The following REST variants were observed in gnomAD, a reference collection of about 807,000 sequenced individuals.
REST encodes RE1-silencing transcription factor.
In REST, 1 loss-of-function variant was observed where a neutral mutation model predicts 30.4. That is an observed-to-expected ratio of 0.03 (90% confidence interval 0.01 to 0.16). The LOEUF is 0.16. Among genes scored for constraint, REST ranks in the 10% least tolerant of loss-of-function variants. REST has a pLI of 1.00. For missense variants in REST, 1,259 were observed against 1,329.5 expected, an observed-to-expected ratio of 0.95 and a Z score of 0.82; for synonymous variants, 504 against 451.1, an observed-to-expected ratio of 1.12 and a Z score of -1.49.
chr4:56,908,045 G>T lies in REST; in HGVS notation c.-178G>T. 2 of 366,290 alleles carry T rather than the reference G, an allele frequency of 5.5e-6. No individual in the cohort carries two copies. Among genetic ancestry groups the T allele is most frequent in the South Asian group, 2.7e-4 (2 of 7,484 alleles). The allele number at this position is 366,290 out of a possible 1,614,324, so 22.7% of individuals were successfully genotyped here. A position where few individuals can be genotyped will look rare whatever the true frequency, so the allele number is the denominator to read the frequency against. On this transcript the variant is annotated 5_prime_UTR_variant, in exon 1 of 4. The change abolishes the stop of an existing upstream ORF in the 5' untranslated region. Coordinates refer to ENST00000309042, the MANE Select transcript of REST (RefSeq NM_005612.5). ...ACGGCAGGGCGAGGCCCGGAGGCCT[G>T]AGCACCCTCTGCAGCCCCACTCCTG...
At chr4:56,921,384 C>G (rs1057029269) in intron 3 of REST, among the ~76,000 whole-genome samples, 12 of 151,998 alleles carry the variant, frequency 7.9e-5, no homozygotes, top group African/African-American at 2.9e-4. Context: ...TATGTACTTA[C>G]CAGATTTTTT....
At position 56,908,020 on chromosome 4, in the gene REST, A is replaced by C; in HGVS notation, c.-203A>C. 2.8e-6 allele frequency: 1 copy of C among 359,322 alleles called. No individual in the cohort carries two copies. Among genetic ancestry groups the C allele is most frequent in the Non-Finnish European group, 5.0e-6 (1 of 200,998 alleles). 22.3% of individuals were successfully genotyped at this position (359,322 alleles called of 1,614,324 possible). On this transcript the variant is annotated 5_prime_UTR_variant, in exon 1 of 4. Transcript: ENST00000309042. Reference sequence around the variant, plus strand: ...CCTGGCGGCGGCTGCCGCAGCCGAGACGGCAGGGCGAGGCCCGGAGGCCTG... The same window carrying C: ...CCTGGCGGCGGCTGCCGCAGCCGAGCCGGCAGGGCGAGGCCCGGAGGCCTG...
chr4:56,930,958 A>G lies in REST; in HGVS notation c.2100A>G (p.Gln700=), dbSNP rs374016428. 1 of 1,610,882 alleles carries G rather than the reference A, an allele frequency of 6.2e-7. No individual in the cohort carries two copies. Among genetic ancestry groups the G allele is most frequent in the Admixed American group, 1.7e-5 (1 of 59,798 alleles). Residue 700 remains glutamine, a synonymous_variant, in exon 4 of 4, where the codon CAA becomes CAG. Coordinates refer to ENST00000309042, the MANE Select transcript of REST (RefSeq NM_005612.5). ...PMETAQTEVA[Q]MGPAPMEPAQ... is the part of the protein sequence containing the mutation. ...AGACTGCTCAGACGGAGGTTGCCCA[A>G]ATGGGGCCTGCTCCCATGGAACCTG...
Position 56,933,176 on chromosome 4 carries a change from A to C in REST, c.*1024A>C, listed in dbSNP as rs1305602332. On this transcript the variant is annotated 3_prime_UTR_variant, in exon 4 of 4. Coordinates refer to ENST00000309042, the MANE Select transcript of REST (RefSeq NM_005612.5). ...AAACCACTAGGTTGCATGTCGAACA[A>C]ATTTTTATCTCAAATACCAACCATC... The C allele has an allele frequency of 6.6e-6, 1 of 152,216 alleles. No homozygotes were observed. Among genetic ancestry groups the C allele is most frequent in the Non-Finnish European group, 1.5e-5 (1 of 68,036 alleles). The allele number at this position is 152,216 out of a possible 1,614,324, so 9.4% of individuals were successfully genotyped here.
At position 56,931,963 on chromosome 4, in the gene REST, T is replaced by A; in HGVS notation, c.3105T>A (p.Ala1035=). Residue 1035 remains alanine (A), a synonymous_variant, in exon 4 of 4, where the codon GCT becomes GCA. Transcript: ENST00000309042. ...EGSDDSGLHG[A]RPVPQESSRK... ...GTGATGATTCTGGATTGCATGGGGCTCGGCCAGTTCCACAAGAATCTAGCA... is the reference window on the plus strand; with the variant it reads ...GTGATGATTCTGGATTGCATGGGGCACGGCCAGTTCCACAAGAATCTAGCA... 1 of 1,614,224 alleles carries A rather than the reference T, an allele frequency of 6.2e-7. No individual in the cohort carries two copies. Among genetic ancestry groups the A allele is most frequent in the Admixed American group, 1.7e-5 (1 of 60,024 alleles).
chr4:56,919,963 ATTTAT>A (rs989916836), intron 3 of REST, 93 bp downstream of exon 3: 2 of 519,824 alleles, frequency 3.8e-6, no homozygotes, highest in African/African-American at 3.9e-5. Context: ...TTTACTTATT[ATTTAT>A]TTTTAATATA....
At position 56,913,067 on chromosome 4, in the gene REST, G is replaced by A. The variant is rs1010347248; in HGVS notation, c.898+1531G>A. Among the ~76,000 whole-genome samples, 3 of 152,074 alleles carry A rather than the reference G, an allele frequency of 2.0e-5. No homozygotes were observed. In the South Asian group the frequency reaches 6.2e-4, roughly 31 times the overall value. On this transcript the variant is annotated intron_variant, in intron 2 of 3. Transcript: ENST00000309042. ...CCTGCCACAGTCTTCCCAAGTGTTGGGATTATAGGCGTGAGCCACTGTGCA... is the reference window on the plus strand; with the variant it reads ...CCTGCCACAGTCTTCCCAAGTGTTGAGATTATAGGCGTGAGCCACTGTGCA...
chr4:56,911,148 T>G lies in REST; in HGVS notation c.510T>G (p.Ser170=). 6.2e-7 allele frequency: 1 copy of G among 1,614,202 alleles called. No individual in the cohort carries two copies. The highest frequency in any genetic ancestry group is 2.2e-5 in the East Asian group (1 of 44,892). Reference sequence around the variant, plus strand: ...AGCCATGCCAATATGAAGCAGAATCTGAAGAACAGTTTGTGCATCACATCA... The same window carrying G: ...AGCCATGCCAATATGAAGCAGAATCGGAAGAACAGTTTGTGCATCACATCA... The part of the protein sequence containing the change: ...RCKPCQYEAE[S]EEQFVHHIRV... The change falls in exon 2 of 4, where the codon TCT becomes TCG. Residue 170 remains serine (S), a synonymous_variant. Transcript: ENST00000309042.
At chr4:56,910,418 G>T (rs947582197) in intron 1 of REST, among the ~76,000 whole-genome samples, 1 of 152,210 alleles carries the variant, frequency 6.6e-6, no homozygotes, top group African/African-American at 2.4e-5. Flanking sequence ...GTTTTATAGG[G>T]ATAGTAGAAA....
rs768958797 is a variant in REST at position 56,931,411 on chromosome 4, A to G, written c.2553A>G (p.Leu851=). 2 of 1,614,142 alleles carry G rather than the reference A, an allele frequency of 1.2e-6. No homozygotes were observed. Among genetic ancestry groups the G allele is most frequent in the African/African-American group, 1.3e-5 (1 of 74,954 alleles). The change falls in exon 4 of 4, where the codon CTA becomes CTG. Residue 851 remains leucine (L), a synonymous_variant. Coordinates refer to ENST00000309042, the MANE Select transcript of REST (RefSeq NM_005612.5). ...TGCCTGTTAAAGATAGCTGGCTTCTAAAGGAAAGTGTAAGCACAGAGGATC... is the reference window on the plus strand; with the variant it reads ...TGCCTGTTAAAGATAGCTGGCTTCTGAAGGAAAGTGTAAGCACAGAGGATC... ...GLVPVKDSWL[L]KESVSTEDLS...
chr4:56,920,970 A>C (rs1028471483), intron 3 of REST, among the ~76,000 whole-genome samples: 7 of 152,122 alleles, frequency 4.6e-5, no homozygotes, highest in African/African-American at 1.7e-4. Flanking sequence ...GGTTCAAGCG[A>C]TTCTCCTGCC....
intron 3 of REST, among the ~76,000 whole-genome samples, chr4:56,926,233 G>T (rs1720706252): frequency 6.8e-6 from 1 of 146,270 alleles, no homozygotes; most frequent in South Asian, 2.2e-4. Flanking sequence ...CTAAGTTTTT[G>T]TATCTTTAGT....
In REST at chr4:56,934,559, T is replaced by G. The variant is rs1721084755; in HGVS notation, c.*2407T>G. On this transcript the variant is annotated 3_prime_UTR_variant, in exon 4 of 4. Coordinates refer to ENST00000309042, the MANE Select transcript of REST (RefSeq NM_005612.5). ...TGATTGTCAGGCCTATATTAGGTTC[T>G]GAACCTTAATGCCATGTATTTGTAC... 1.3e-5 allele frequency: 2 copies of G among 152,236 alleles called. No homozygotes were observed. Among genetic ancestry groups the G allele is most frequent in the African/African-American group, 4.8e-5 (2 of 41,476 alleles). The allele number at this position is 152,236 out of a possible 1,614,324, so 9.4% of individuals were successfully genotyped here.
intron 3 of REST, among the ~76,000 whole-genome samples, chr4:56,925,906 T>G (rs1720685325): frequency 6.6e-6 from 1 of 152,192 alleles, no homozygotes; most frequent in Non-Finnish European, 1.5e-5. Context: ...GATGCATGCT[T>G]GCTCTATAGA....
chr4:56,919,941 G>A (rs1383375082), intron 3 of REST, 71 bp downstream of exon 3: 2 of 683,980 alleles, frequency 2.9e-6, no homozygotes, highest in Admixed American at 2.5e-5. Context: ...TTTTAGACTT[G>A]TAACCGAGTC....
At chr4:56,908,495 G>A (rs1719726283) in intron 1 of REST, among the ~76,000 whole-genome samples, 1 of 151,920 alleles carries the variant, frequency 6.6e-6, no homozygotes, top group African/African-American at 2.4e-5. Context: ...CCGCCTCCGC[G>A]CTGGCCCGGA....
At chr4:56,926,100 T>C (rs2412769) in intron 3 of REST, among the ~76,000 whole-genome samples, 41,264 of 151,906 alleles carry the variant, frequency 0.27, 6,648 homozygotes, top group Middle Eastern at 0.4. Context: ...CACCCTGTCG[T>C]CCAGGCTGGA....
intron 3 of REST, among the ~76,000 whole-genome samples, chr4:56,920,335 A>G (rs1282692543): frequency 2.0e-5 from 3 of 150,956 alleles, no homozygotes; most frequent in African/African-American, 4.9e-5. Flanking sequence ...ACTGACTGCA[A>G]AAGTTTAGCT....
chr4:56,927,293 A>G (rs1358914372), intron 3 of REST, among the ~76,000 whole-genome samples: 1 of 152,204 alleles, frequency 6.6e-6, no homozygotes, highest in Non-Finnish European at 1.5e-5. Context: ...CTCCATTTAA[A>G]TCATTCACTG....
Sources: gnomAD v4.1 joint callset for allele counts (sites outside exome capture counted in the v4.1 genomes callset) on GRCh38, gnomAD v4.1.1 for gene constraint, MANE v1.5 for transcripts, NCBI Gene and HGNC (gene_info 2026-07-23, HGNC 2026-07-21) for gene names.